Variants in COPS6 observed in about 807,000 individuals in gnomAD.
COPS6 encodes COP9 signalosome subunit 6, also known as COP9 signalosome complex subunit 6.
COPS6 carries 9 observed loss-of-function variants against 41.0 expected under a neutral mutation model. That is an observed-to-expected ratio of 0.22 (90% CI 0.13 to 0.38). The LOEUF is 0.38. Among genes scored for constraint, COPS6 ranks in the 10% least tolerant of loss-of-function variants. The pLI is 1.00. For synonymous variants in COPS6, 179 were observed against 162.9 expected, an observed-to-expected ratio of 1.10 and a Z score of -0.75; for missense variants, 302 against 436.7, an observed-to-expected ratio of 0.69 and a Z score of 2.75.
chr7:100,091,745 G>T lies in COPS6; in HGVS notation c.940G>T (p.Asp314Tyr), dbSNP rs1223129586. Residue 314 changes from aspartate (D) to tyrosine (Y), a missense_variant, in exon 10 of 10, where the codon GAC becomes TAC. Physicochemically the swap from Asp to Tyr is radical, Grantham distance 160 (BLOSUM62 -3). Transcript: ENST00000303904. The surrounding 1 kb of genome is among the most constrained non-coding windows in gnomAD (Gnocchi z 4.1). ...QFVNKFNVLY[D>Y]RQGIGRRMRG... ...TGTGAACAAGTTCAATGTCCTCTAC[G>T]ACCGACAAGGCATCGGCAGGAGAAT... is the stretch of plus-strand genomic sequence containing the variant. 1 of 1,614,192 alleles carries T rather than the reference G, an allele frequency of 6.2e-7. No individual in the cohort carries two copies. Among genetic ancestry groups the T allele is most frequent in the Admixed American group, 1.7e-5 (1 of 60,028 alleles).
chr7:100,090,020 C>A, intron 3 of COPS6: 1 of 447,500 alleles, frequency 2.2e-6, no homozygotes, highest in African/African-American at 2.0e-5. Flanking sequence ...TGAAAATACA[C>A]CAGGAGCTTC....
intron 2 of COPS6, 21 bp downstream of exon 2, chr7:100,089,436 C>G: frequency 6.2e-7 from 1 of 1,613,736 alleles, no homozygotes; most frequent in South Asian, 1.1e-5. Context: ...GGCATAGACT[C>G]CAGTCTCTTC....
chr7:100,089,002 G>GGCGGCA lies in COPS6; in HGVS notation c.17_18insAGCGGC (p.Ala9_Ala10dup). 1.5e-6 allele frequency: 2 copies of GGCGGCA among 1,310,820 alleles called. No homozygotes were observed. Among genetic ancestry groups the GGCGGCA allele is most frequent in the Non-Finnish European group, 1.9e-6 (2 of 1,027,242 alleles). The allele number at this position is 1,310,820 out of a possible 1,614,324, so 81.2% of individuals were successfully genotyped here. On this transcript the variant is annotated inframe_insertion, in exon 1 of 10. Transcript: ENST00000303904. ...CGGGCGCGGGGAAAATGGCGGCGGC[G>GGCGGCA]GCGGCGGCGGCTGCAGCTACGAACG...
chr7:100,091,276 A>C lies in COPS6; in HGVS notation c.688A>C (p.Met230Leu). 1 of 1,614,178 alleles carries C rather than the reference A, an allele frequency of 6.2e-7. No individual in the cohort carries two copies. Among genetic ancestry groups the C allele is most frequent in the Non-Finnish European group, 8.5e-7 (1 of 1,180,016 alleles). The change falls in exon 8 of 10, where the codon ATG becomes CTG. Residue 230 changes from methionine (M) to leucine (L), a missense_variant. Physicochemically the swap from Met to Leu is conservative, Grantham distance 15. Around this residue, in one of 3 missense-constraint regions of COPS6, gnomAD observed 222 missense variants for 309.0 expected, o/e 0.72. Transcript: ENST00000303904. The surrounding 1 kb of genome is among the most constrained non-coding windows in gnomAD (Gnocchi z 4.1). ...HLIAQHSAIK[M>L]LHSRVKLILE... is the part of the protein sequence containing the mutation. ...GATAGCACAGCACAGCGCCATCAAG[A>C]TGCTGCACAGCCGCGTCAAGCTCAT...
rs1263044796 is a variant in COPS6 at position 100,090,784 on chromosome 7, CTG to C, written c.487-115_487-114del. ...CTGGCTTAGTCATTTAATCTCCAAA[CTG>C]TGAAAGGAGGTAATCCCTACTTCAT... On this transcript the variant is annotated intron_variant, in intron 5 of 9. Coordinates refer to ENST00000303904, the MANE Select transcript of COPS6 (RefSeq NM_006833.5). 4.1e-6 allele frequency: 6 copies of C among 1,458,588 alleles called. No individual in the cohort carries two copies. The African/African-American group carries it at 7.0e-5, about 17-fold the overall frequency. The allele number at this position is 1,458,588 out of a possible 1,614,324, so 90.4% of individuals were successfully genotyped here.
rs775968450 is a variant in COPS6, at chr7:100,091,457, C to T, written c.780C>T (p.Ala260=). ...TTAATCATGAGATCCTGCGGGAGGC[C>T]TATGCTCTGTGTCACTGTCTCCCGG... is the stretch of plus-strand genomic sequence containing the variant. ...VPFNHEILRE[A]YALCHCLPVL... Residue 260 remains alanine, a synonymous_variant, in exon 9 of 10, where the codon GCC becomes GCT. Transcript: ENST00000303904. The surrounding 1 kb of genome is among the most constrained non-coding windows in gnomAD (Gnocchi z 4.1). The T allele has an allele frequency of 6.2e-7, 1 of 1,614,146 alleles. No individual in the cohort carries two copies. Among genetic ancestry groups the T allele is most frequent in the Non-Finnish European group, 8.5e-7 (1 of 1,180,020 alleles).
rs369030775 is a variant in COPS6 at position 100,089,079 on chromosome 7, G to A, written c.76+13G>A. The A allele has an allele frequency of 4.7e-5, 67 of 1,420,276 alleles. No individual in the cohort carries two copies. In the African/African-American group the frequency reaches 8.8e-4, roughly 19 times the overall value. The allele number at this position is 1,420,276 out of a possible 1,614,324, so 88.0% of individuals were successfully genotyped here. A position where few individuals can be genotyped will look rare whatever the true frequency, so the allele number is the denominator to read the frequency against. The stretch of plus-strand genomic sequence containing the variant: ...GTGGATGCAGCAGGTAACGGGCCGT[G>A]CGGGGGTGGCTTCCGGAGACCTCCT... On this transcript the variant is annotated intron_variant, in intron 1 of 9. Coordinates refer to ENST00000303904, the MANE Select transcript of COPS6 (RefSeq NM_006833.5).
chr7:100,091,098 G>A lies in COPS6; in HGVS notation c.595G>A (p.Gly199Ser). 1 of 1,614,240 alleles carries A rather than the reference G, an allele frequency of 6.2e-7. No homozygotes were observed. The highest frequency in any genetic ancestry group is 8.5e-7 in the Non-Finnish European group (1 of 1,180,036). ...TLATEEAERI[G>S]VDHVARMTAT... is the part of the protein sequence containing the mutation. The stretch of plus-strand genomic sequence containing the variant: ...GGCCACAGAGGAAGCGGAACGCATT[G>A]GTGTAGACCACGTAGCCCGAATGAC... Residue 199 changes from glycine to serine, a missense_variant, in exon 7 of 10, where the codon GGT becomes AGT. By Grantham distance (56) the Gly-to-Ser change is moderately conservative. This residue lies in a region of COPS6 where 222 missense variants were observed against 309.0 expected (regional missense o/e 0.72). Coordinates refer to ENST00000303904, the MANE Select transcript of COPS6 (RefSeq NM_006833.5). This position sits in a 1 kb window ranked among gnomAD's most constrained non-coding sequence, Gnocchi z 4.1.
intron 3 of COPS6, 104 bp from the exon 4 acceptor site, chr7:100,090,295 C>G: frequency 1.2e-6 from 1 of 802,388 alleles, no homozygotes; most frequent in East Asian, 2.6e-5. Context: ...TTGTGGTGAG[C>G]TGAGATCATG....
intron 2 of COPS6, 53 bp from the exon 3 acceptor site, chr7:100,089,562 A>G (rs1795283226): frequency 2.3e-5 from 36 of 1,599,662 alleles, no homozygotes; most frequent in Non-Finnish European, 2.8e-5. Flanking sequence ...TCAGACCCTC[A>G]GGTCATAGAA....
intron 2 of COPS6, 46 bp from the exon 3 acceptor site, chr7:100,089,569 A>G (rs1795283431): frequency 1.9e-6 from 3 of 1,604,400 alleles, no homozygotes; most frequent in Non-Finnish European, 2.6e-6. Flanking sequence ...CTCAGGTCAT[A>G]GAAGTTTCTT....
In COPS6 at chr7:100,089,203, C is replaced by T. The variant is rs1315107559; in HGVS notation, c.77-87C>T. On this transcript the variant is annotated intron_variant, in intron 1 of 9. Coordinates refer to ENST00000303904, the MANE Select transcript of COPS6 (RefSeq NM_006833.5). ...GATAAGTTACGGGAGGAAAGTGTGG[C>T]CCGGGCTCCGCCGTCCCCCACTGCC... 26 of 1,533,850 alleles carry T rather than the reference C, an allele frequency of 1.7e-5. No individual in the cohort carries two copies. In the Admixed American group the frequency reaches 1.9e-4, roughly 11 times the overall value.
At position 100,091,726 on chromosome 7, in the gene COPS6, C is replaced by G. The variant is rs778623027; in HGVS notation, c.921C>G (p.Asn307Lys). Residue 307 changes from asparagine to lysine, a missense_variant, in exon 10 of 10, where the codon AAC (asparagine) becomes AAG (lysine). Physicochemically the swap from Asn to Lys is moderately conservative, Grantham distance 94 (BLOSUM62 0). Coordinates refer to ENST00000303904, the MANE Select transcript of COPS6 (RefSeq NM_006833.5). The surrounding 1 kb of genome is among the most constrained non-coding windows in gnomAD (Gnocchi z 4.1). ...KTCNTMNQFVNKFNVLYDRQG... is the reference protein window; with the variant it reads ...KTCNTMNQFVKKFNVLYDRQG... ...GCAACACCATGAACCAGTTTGTGAA[C>G]AAGTTCAATGTCCTCTACGACCGAC... 3.7e-6 allele frequency: 6 copies of G among 1,614,084 alleles called. No individual in the cohort carries two copies. The African/African-American group carries it at 8.0e-5, about 22-fold the overall frequency.
chr7:100,089,346 C>T lies in COPS6; in HGVS notation c.133C>T (p.Pro45Ser). The T allele has an allele frequency of 1.2e-6, 2 of 1,614,126 alleles. No individual in the cohort carries two copies. Among genetic ancestry groups the T allele is most frequent in the Non-Finnish European group, 1.7e-6 (2 of 1,180,008 alleles). ...TGGGAGTGTTTCCGTCGCTCTCCAT[C>T]CCCTTGTCATTCTCAACATCTCAGA... ...VTGSVSVALH[P>S]LVILNISDHW... is the part of the protein sequence containing the mutation. Residue 45 changes from proline to serine, a missense_variant, in exon 2 of 10, where the codon CCC becomes TCC. Physicochemically the swap from Pro to Ser is moderately conservative, Grantham distance 74. Coordinates refer to ENST00000303904, the MANE Select transcript of COPS6 (RefSeq NM_006833.5).
chr7:100,092,133 C>G lies in COPS6; in HGVS notation c.*344C>G. The G allele has an allele frequency of 3.8e-6, 1 of 265,244 alleles. No individual in the cohort carries two copies. The highest frequency in any genetic ancestry group is 7.2e-6 in the Non-Finnish European group (1 of 138,870). The allele number at this position is 265,244 out of a possible 1,614,324, so 16.4% of individuals were successfully genotyped here. A position where few individuals can be genotyped will look rare whatever the true frequency, so the allele number is the denominator to read the frequency against. ...CTCTGTTCTACACTTTAATGTCACC[C>G]TCTACATCATCTTACCTAGCCCACC... On this transcript the variant is annotated 3_prime_UTR_variant, in exon 10 of 10. Coordinates refer to ENST00000303904, the MANE Select transcript of COPS6 (RefSeq NM_006833.5).
At chr7:100,090,743 C>A in intron 5 of COPS6, 89 bp downstream of exon 5, 1 of 1,467,120 alleles carries the variant, frequency 6.8e-7, no homozygotes, top group Non-Finnish European at 9.5e-7. Context: ...CCAGATGCCA[C>A]TTACCAGCTG....
chr7:100,089,501 A>G (rs1795282416), intron 2 of COPS6, 86 bp downstream of exon 2: 5 of 1,603,366 alleles, frequency 3.1e-6, no homozygotes, highest in South Asian at 1.1e-5. Flanking sequence ...ACTGGAGCCA[A>G]TTCCCCCTCC....
chr7:100,092,015 T>C lies in COPS6; in HGVS notation c.*226T>C. 1 of 574,852 alleles carries C rather than the reference T, an allele frequency of 1.7e-6. No individual in the cohort carries two copies. The highest frequency in any genetic ancestry group is 2.1e-5 in the South Asian group (1 of 48,662). The allele number at this position is 574,852 out of a possible 1,614,324, so 35.6% of individuals were successfully genotyped here. A position where few individuals can be genotyped will look rare whatever the true frequency, so the allele number is the denominator to read the frequency against. On this transcript the variant is annotated 3_prime_UTR_variant, in exon 10 of 10. Transcript: ENST00000303904. ...CAGAAGCCCTTCTGATGCTCTTCAGTGAGGGAGGCACTACCATTTGAAGTG... is the reference window on the plus strand; with the variant it reads ...CAGAAGCCCTTCTGATGCTCTTCAGCGAGGGAGGCACTACCATTTGAAGTG...
intron 1 of COPS6, 106 bp downstream of exon 1, chr7:100,089,172 C>T (rs1795276122): frequency 1.3e-6 from 2 of 1,514,420 alleles, no homozygotes; most frequent in East Asian, 2.3e-5. Context: ...CAACATCTTT[C>T]CCTGGGATAA....
Sources: gnomAD v4.1 joint callset for allele counts on GRCh38, gnomAD v4.1.1 for gene constraint, gnomAD v4.1.1 regional missense constraint, Gnocchi (gnomAD v3.1) non-coding constraint, MANE v1.5 for transcripts, NCBI Gene and HGNC (gene_info 2026-07-23, HGNC 2026-07-21) for gene names.